KLF14: variants seen among roughly 807,000 people sequenced by gnomAD.
The protein encoded by KLF14 is KLF transcription factor 14, also known as Krueppel-like factor 14.
Under a neutral mutation model 16.2 loss-of-function variants are expected in KLF14, and 13 were observed. The observed-to-expected ratio is 0.80, with a 90% CI of 0.52 to 1.28. KLF14 has a LOEUF of 1.28. Ranked by LOEUF, KLF14 falls within the 50% of genes most tolerant of loss-of-function variation. The probability of loss-of-function intolerance (pLI) is 0.00; values close to 1 mark genes in which losing one functional copy is unlikely to be tolerated. For synonymous variants in KLF14, 276 were observed against 233.7 expected, an observed-to-expected ratio of 1.18 and a Z score of -1.65; for missense variants, 571 against 493.4, an observed-to-expected ratio of 1.16 and a Z score of -1.49.
chr7:130,733,836 G>A lies in KLF14; in HGVS notation c.198C>T (p.Leu66=), dbSNP rs1797249518. Residue 66 remains leucine, a synonymous_variant, in exon 1 of 1, where the codon CTC becomes CTT. Coordinates refer to ENST00000583337, the MANE Select transcript of KLF14 (RefSeq NM_138693.4). This position sits in a 1 kb window ranked among gnomAD's most constrained non-coding sequence, Gnocchi z 5.2. ...CGGGGCTGGGGGCGGGGACCTGCGG[G>A]AGCTGGGGGACCGACGCGGGCCCCG... is the stretch of plus-strand genomic sequence containing the variant. The part of the protein sequence containing the change: ...GPPGPASVPQ[L]PQVPAPSPGA... 9 of 1,378,412 alleles carry A rather than the reference G, an allele frequency of 6.5e-6. No homozygotes were observed. The highest frequency in any genetic ancestry group is 8.4e-6 in the Non-Finnish European group (9 of 1,076,692). The allele number at this position is 1,378,412 out of a possible 1,614,324, so 85.4% of individuals were successfully genotyped here.
chr7:130,733,136 G>A lies in KLF14; in HGVS notation c.898C>T (p.Leu300Phe). ...GCGGAGCTTTCCACCTCGCTGGTGA[G>A]TGGCGGGTCGATGCGGGGAGTTCGA... is the stretch of plus-strand genomic sequence containing the variant. ...RRRTPRIDPP[L>F]TSEVESSASG... is the part of the protein sequence containing the mutation. The change falls in exon 1 of 1, where the codon CTC becomes TTC. Residue 300 changes from leucine to phenylalanine, a missense_variant. By Grantham distance (22) the Leu-to-Phe change is conservative. Transcript: ENST00000583337. This position sits in a 1 kb window ranked among gnomAD's most constrained non-coding sequence, Gnocchi z 5.2. 1 of 1,576,474 alleles carries A rather than the reference G, an allele frequency of 6.3e-7. No individual in the cohort carries two copies. Among genetic ancestry groups the A allele is most frequent in the Non-Finnish European group, 8.6e-7 (1 of 1,160,198 alleles).
chr7:130,733,734 G>C lies in KLF14; in HGVS notation c.300C>G (p.Ser100=). ...ADLRGSSGEG[S]WENSGEAPRA... The stretch of plus-strand genomic sequence containing the variant: ...GTGGAGCTTCCCCCGAGTTCTCCCA[G>C]GAGCCCTCGCCAGAGCTGCCGCGCA... Residue 100 remains serine, a synonymous_variant, in exon 1 of 1, where the codon TCC becomes TCG. Coordinates refer to ENST00000583337, the MANE Select transcript of KLF14 (RefSeq NM_138693.4). This position sits in a 1 kb window ranked among gnomAD's most constrained non-coding sequence, Gnocchi z 5.2. 2.6e-6 allele frequency: 4 copies of C among 1,549,630 alleles called. No individual in the cohort carries two copies. The highest frequency in any genetic ancestry group is 2.6e-6 in the Non-Finnish European group (3 of 1,154,770).
rs1402277533 is a variant in KLF14 at position 130,733,924 on chromosome 7, C to T, written c.110G>A (p.Gly37Glu). 8.1e-6 allele frequency: 11 copies of T among 1,359,282 alleles called. No homozygotes were observed. Among genetic ancestry groups the T allele is most frequent in the Non-Finnish European group, 8.5e-6 (9 of 1,054,410 alleles). The allele number at this position is 1,359,282 out of a possible 1,614,324, so 84.2% of individuals were successfully genotyped here. Reference sequence around the variant, plus strand: ...CGCACCCACCTCCGAGCCAGCGGCTCCACCCGCGCCCTCGGGGTCCGGCGG... The same window carrying T: ...CGCACCCACCTCCGAGCCAGCGGCTTCACCCGCGCCCTCGGGGTCCGGCGG... ...RRPPDPEGAGGAAGSEVGAAP... is the reference protein window; with the variant it reads ...RRPPDPEGAGEAAGSEVGAAP... Residue 37 changes from glycine (G) to glutamate (E), a missense_variant, in exon 1 of 1, where the codon GGA becomes GAA. Transcript: ENST00000583337. This position sits in a 1 kb window ranked among gnomAD's most constrained non-coding sequence, Gnocchi z 5.2.
Position 130,733,221 on chromosome 7 carries a change from G to C in KLF14, c.813C>G (p.Thr271=), listed in dbSNP as rs370049712. 6.2e-7 allele frequency: 1 copy of C among 1,608,998 alleles called. No individual in the cohort carries two copies. The highest frequency in any genetic ancestry group is 1.3e-5 in the African/African-American group (1 of 74,858). The part of the protein sequence containing the change: ...PKQFSRSDHL[T]KHARRHPTYH... ...AGGTTGGGTGGCGGCGAGCATGCTT[G>C]GTCAGGTGGTCGCTCCGGGAGAACT... Residue 271 remains threonine (T), a synonymous_variant, in exon 1 of 1, where the codon ACC becomes ACG. Transcript: ENST00000583337. The surrounding 1 kb of genome is among the most constrained non-coding windows in gnomAD (Gnocchi z 5.2).
chr7:130,733,293 C>T lies in KLF14; in HGVS notation c.741G>A (p.Arg247=). The T allele has an allele frequency of 1.2e-6, 2 of 1,613,880 alleles. No homozygotes were observed. The highest frequency in any genetic ancestry group is 1.3e-5 in the African/African-American group (1 of 75,040). ...TRSDELARHY[R]THTGEKRFSC... ...AGAAGCGCTTCTCGCCCGTGTGCGTCCTGTAGTGGCGGGCCAGCTCGTCGG... is the reference window on the plus strand; with the variant it reads ...AGAAGCGCTTCTCGCCCGTGTGCGTTCTGTAGTGGCGGGCCAGCTCGTCGG... The change falls in exon 1 of 1, where the codon AGG becomes AGA. Residue 247 remains arginine, a synonymous_variant. Coordinates refer to ENST00000583337, the MANE Select transcript of KLF14 (RefSeq NM_138693.4). The surrounding 1 kb of genome is among the most constrained non-coding windows in gnomAD (Gnocchi z 5.2).
Position 130,732,467 on chromosome 7 carries a change from G to C in KLF14, c.*595C>G, listed in dbSNP as rs960792978. 1 of 152,556 alleles carries C rather than the reference G, an allele frequency of 6.6e-6. No individual in the cohort carries two copies. Among genetic ancestry groups the C allele is most frequent in the Non-Finnish European group, 1.5e-5 (1 of 68,340 alleles). The allele number at this position is 152,556 out of a possible 1,614,324, so 9.5% of individuals were successfully genotyped here. On this transcript the variant is annotated 3_prime_UTR_variant, in exon 1 of 1. Coordinates refer to ENST00000583337, the MANE Select transcript of KLF14 (RefSeq NM_138693.4). ...CATGGAGCTTATGTGGCCTCTCCTA[G>C]CAGAGGTAGCTGGGGCAATTGGGGG...
Position 130,733,545 on chromosome 7 carries a change from A to G in KLF14, c.489T>C (p.Ser163=). The part of the protein sequence containing the change: ...APAAPGAPAA[S]GGFSGGALGA... ...CTAGGGCCCCTCCAGAGAACCCACC[A>G]GAGGCTGCTGGTGCGCCCGGGGCAG... The change falls in exon 1 of 1, where the codon TCT becomes TCC. Residue 163 remains serine, a synonymous_variant. Coordinates refer to ENST00000583337, the MANE Select transcript of KLF14 (RefSeq NM_138693.4). The surrounding 1 kb of genome is among the most constrained non-coding windows in gnomAD (Gnocchi z 5.2). 6.4e-7 allele frequency: 1 copy of G among 1,563,416 alleles called. No homozygotes were observed. The highest frequency in any genetic ancestry group is 8.7e-7 in the Non-Finnish European group (1 of 1,155,102).
rs1189048227 is a variant in KLF14 at position 130,731,826 on chromosome 7, T to C, written c.*1236A>G. On this transcript the variant is annotated 3_prime_UTR_variant, in exon 1 of 1. Transcript: ENST00000583337. The stretch of plus-strand genomic sequence containing the variant: ...AATACTGTTGATGTCTGATTCCTTC[T>C]TATCGGGAAAGGGGCCCTGAGGATA... The C allele has an allele frequency of 6.6e-6, 1 of 152,206 alleles. No individual in the cohort carries two copies. The highest frequency in any genetic ancestry group is 1.5e-5 in the Non-Finnish European group (1 of 68,064). The allele number at this position is 152,206 out of a possible 1,614,324, so 9.4% of individuals were successfully genotyped here. A position where few individuals can be genotyped will look rare whatever the true frequency, so the allele number is the denominator to read the frequency against.
Position 130,733,850 on chromosome 7 carries a change from A to C in KLF14, c.184T>G (p.Ser62Ala), listed in dbSNP as rs1311780035. Residue 62 changes from serine (S) to alanine (A), a missense_variant, in exon 1 of 1, where the codon TCG (serine) becomes GCG (alanine). Ser to Ala is a moderately conservative substitution (Grantham distance 99, BLOSUM62 1). Coordinates refer to ENST00000583337, the MANE Select transcript of KLF14 (RefSeq NM_138693.4). The surrounding 1 kb of genome is among the most constrained non-coding windows in gnomAD (Gnocchi z 5.2). ...GGGACCTGCGGGAGCTGGGGGACCGACGCGGGCCCCGGTGGCCCCGGACCC... is the reference window on the plus strand; with the variant it reads ...GGGACCTGCGGGAGCTGGGGGACCGCCGCGGGCCCCGGTGGCCCCGGACCC... ...LPGPGPPGPA[S>A]VPQLPQVPAP... 6 of 1,349,254 alleles carry C rather than the reference A, an allele frequency of 4.4e-6. No homozygotes were observed. In the East Asian group the frequency reaches 1.8e-4, roughly 42 times the overall value. 83.6% of individuals were successfully genotyped at this position (1,349,254 alleles called of 1,614,324 possible).
chr7:130,733,131 G>A lies in KLF14; in HGVS notation c.903C>T (p.Thr301=), dbSNP rs573386200. The part of the protein sequence containing the change: ...RRTPRIDPPL[T]SEVESSASGS... ...CGGAGGCGGAGCTTTCCACCTCGCT[G>A]GTGAGTGGCGGGTCGATGCGGGGAG... Residue 301 remains threonine (T), a synonymous_variant, in exon 1 of 1, where the codon ACC becomes ACT. Coordinates refer to ENST00000583337, the MANE Select transcript of KLF14 (RefSeq NM_138693.4). This position sits in a 1 kb window ranked among gnomAD's most constrained non-coding sequence, Gnocchi z 5.2. 2.1e-5 allele frequency: 34 copies of A among 1,591,544 alleles called. 1 individual carries two copies. The South Asian group carries it at 3.4e-4, about 16-fold the overall frequency.
At position 130,732,840 on chromosome 7, in the gene KLF14, C is replaced by G. The variant is rs1229985999; in HGVS notation, c.*222G>C. On this transcript the variant is annotated 3_prime_UTR_variant, in exon 1 of 1. Transcript: ENST00000583337. ...TTCCTGGGGGCTGTCTTGAGGCAACCCCCACTTTTAGGATGATATACACGT... is the reference window on the plus strand; with the variant it reads ...TTCCTGGGGGCTGTCTTGAGGCAACGCCCACTTTTAGGATGATATACACGT... 1.4e-5 allele frequency: 8 copies of G among 553,364 alleles called. No individual in the cohort carries two copies. The highest frequency in any genetic ancestry group is 1.2e-4 in the East Asian group (4 of 34,556). The allele number at this position is 553,364 out of a possible 1,614,324, so 34.3% of individuals were successfully genotyped here.
Position 130,733,290 on chromosome 7 carries a change from C to G in KLF14, c.744G>C (p.Thr248=). ...AGGAGAAGCGCTTCTCGCCCGTGTG[C>G]GTCCTGTAGTGGCGGGCCAGCTCGT... The part of the protein sequence containing the change: ...RSDELARHYR[T]HTGEKRFSCP... Residue 248 remains threonine (T), a synonymous_variant, in exon 1 of 1, where the codon ACG becomes ACC. Transcript: ENST00000583337. This position sits in a 1 kb window ranked among gnomAD's most constrained non-coding sequence, Gnocchi z 5.2. 2 of 1,613,846 alleles carry G rather than the reference C, an allele frequency of 1.2e-6. No homozygotes were observed. Among genetic ancestry groups the G allele is most frequent in the Non-Finnish European group, 1.7e-6 (2 of 1,179,882 alleles).
At position 130,732,387 on chromosome 7, in the gene KLF14, C is replaced by T. The variant is rs1050287945; in HGVS notation, c.*675G>A. The T allele has an allele frequency of 6.6e-6, 1 of 152,284 alleles. No homozygotes were observed. The highest frequency in any genetic ancestry group is 6.5e-5 in the Admixed American group (1 of 15,284). The allele number at this position is 152,284 out of a possible 1,614,324, so 9.4% of individuals were successfully genotyped here. ...AGGGTTCCAAATCATGCAACAGGAC[C>T]TGCAAACAGACTCACACCCCAGACA... On this transcript the variant is annotated 3_prime_UTR_variant, in exon 1 of 1. Coordinates refer to ENST00000583337, the MANE Select transcript of KLF14 (RefSeq NM_138693.4).
rs1233472819 is a variant in KLF14, at chr7:130,732,105, A to G, written c.*957T>C. 2 of 152,236 alleles carry G rather than the reference A, an allele frequency of 1.3e-5. No homozygotes were observed. The highest frequency in any genetic ancestry group is 2.9e-5 in the Non-Finnish European group (2 of 68,050). The allele number at this position is 152,236 out of a possible 1,614,324, so 9.4% of individuals were successfully genotyped here. On this transcript the variant is annotated 3_prime_UTR_variant, in exon 1 of 1. Transcript: ENST00000583337. Reference sequence around the variant, plus strand: ...CTCCTGAGATTACATAAGGTGGGGCAGCTGTGTCCACACGCCTCTATTTCC... The same window carrying G: ...CTCCTGAGATTACATAAGGTGGGGCGGCTGTGTCCACACGCCTCTATTTCC...
chr7:130,733,366 CGCTCACCCGTGT>C lies in KLF14; in HGVS notation c.656_667del (p.His219_Glu222del). The C allele has an allele frequency of 6.2e-7, 1 of 1,613,970 alleles. No individual in the cohort carries two copies. Among genetic ancestry groups the C allele is most frequent in the Non-Finnish European group, 8.5e-7 (1 of 1,179,968 alleles). ...GTCGAGCCAGTCGCAGGAGAAAGGGCGCTCACCCGTGTGGGTGCGCTGGTGGGACTTGAGGTG... is the reference window on the plus strand; with the variant it reads ...GTCGAGCCAGTCGCAGGAGAAAGGGCGGGTGCGCTGGTGGGACTTGAGGTG... On this transcript the variant is annotated inframe_deletion, in exon 1 of 1. Coordinates refer to ENST00000583337, the MANE Select transcript of KLF14 (RefSeq NM_138693.4). This position sits in a 1 kb window ranked among gnomAD's most constrained non-coding sequence, Gnocchi z 5.2.
At position 130,733,036 on chromosome 7, in the gene KLF14, G is replaced by C. The variant is rs1584665396; in HGVS notation, c.*26C>G. ...CAACGGCCTGGGGGATCATCCTTGA[G>C]GGTAAGACTGACAGCAATGACTGTC... On this transcript the variant is annotated 3_prime_UTR_variant, in exon 1 of 1. Transcript: ENST00000583337. The surrounding 1 kb of genome is among the most constrained non-coding windows in gnomAD (Gnocchi z 5.2). 1 of 1,537,388 alleles carries C rather than the reference G, an allele frequency of 6.5e-7. No individual in the cohort carries two copies. Among genetic ancestry groups the C allele is most frequent in the Non-Finnish European group, 8.7e-7 (1 of 1,143,388 alleles).
chr7:130,733,149 G>C lies in KLF14; in HGVS notation c.885C>G (p.Arg295=), dbSNP rs1554470789. The C allele has an allele frequency of 6.3e-7, 1 of 1,579,718 alleles. No individual in the cohort carries two copies. Among genetic ancestry groups the C allele is most frequent in the East Asian group, 2.3e-5 (1 of 44,082 alleles). The change falls in exon 1 of 1, where the codon CGC becomes CGG. Residue 295 remains arginine (R), a synonymous_variant. Transcript: ENST00000583337. The surrounding 1 kb of genome is among the most constrained non-coding windows in gnomAD (Gnocchi z 5.2). ...CCTCGCTGGTGAGTGGCGGGTCGAT[G>C]CGGGGAGTTCGACGACGTCCCCGGT... The part of the protein sequence containing the change: ...IEYRGRRRTP[R]IDPPLTSEVE...
At position 130,733,125 on chromosome 7, in the gene KLF14, C is replaced by T; in HGVS notation, c.909G>A (p.Glu303=). ...CGGAGCCGGAGGCGGAGCTTTCCAC[C>T]TCGCTGGTGAGTGGCGGGTCGATGC... ...TPRIDPPLTS[E]VESSASGSGP... is the part of the protein sequence containing the mutation. Residue 303 remains glutamate, a synonymous_variant, in exon 1 of 1, where the codon GAG becomes GAA. Transcript: ENST00000583337. The surrounding 1 kb of genome is among the most constrained non-coding windows in gnomAD (Gnocchi z 5.2). 1 of 1,591,098 alleles carries T rather than the reference C, an allele frequency of 6.3e-7. No homozygotes were observed. The highest frequency in any genetic ancestry group is 8.6e-7 in the Non-Finnish European group (1 of 1,167,008).
rs1554470691 is a variant in KLF14, at chr7:130,732,472, G to A, written c.*590C>T. 6.6e-6 allele frequency: 1 copy of A among 152,562 alleles called. No individual in the cohort carries two copies. The highest frequency in any genetic ancestry group is 1.9e-4 in the East Asian group (1 of 5,196). 9.5% of individuals were successfully genotyped at this position (152,562 alleles called of 1,614,324 possible). Reference sequence around the variant, plus strand: ...AGCTTATGTGGCCTCTCCTAGCAGAGGTAGCTGGGGCAATTGGGGGATTGG... The same window carrying A: ...AGCTTATGTGGCCTCTCCTAGCAGAAGTAGCTGGGGCAATTGGGGGATTGG... On this transcript the variant is annotated 3_prime_UTR_variant, in exon 1 of 1. Coordinates refer to ENST00000583337, the MANE Select transcript of KLF14 (RefSeq NM_138693.4).
Sources: gnomAD v4.1 joint callset for allele counts on GRCh38, gnomAD v4.1.1 for gene constraint, Gnocchi (gnomAD v3.1) non-coding constraint, MANE v1.5 for transcripts, NCBI Gene and HGNC (gene_info 2026-07-23, HGNC 2026-07-21) for gene names.